CRNKL1: variants seen among roughly 807,000 people sequenced by gnomAD.
CRNKL1 encodes the protein crooked neck pre-mRNA splicing factor 1.
Under a neutral mutation model 103.7 loss-of-function variants are expected in CRNKL1, and 35 were observed. The ratio of observed to expected loss-of-function variants is 0.34; its 90% CI spans 0.26 to 0.45. The LOEUF (loss-of-function observed/expected upper bound fraction) is 0.45. CRNKL1 is among the 20% of genes least tolerant of loss of function. The pLI is 1.00. For synonymous variants in CRNKL1, 267 were observed against 282.6 expected (o/e 0.94, Z 0.55); for missense variants, 645 against 836.0 (o/e 0.77, Z 2.82).
At chr20:20,043,311 C>A (rs1220200198) in intron 7 of CRNKL1, among the ~76,000 whole-genome samples, 181 bp downstream of exon 7, 1 of 152,190 alleles carries the variant, frequency 6.6e-6, no homozygotes, top group East Asian at 1.9e-4. Context: ...TGTTTGCTTG[C>A]CTTTTCTATC....
At chr20:20,049,236 G>A (rs772505785) in intron 3 of CRNKL1, 104 bp downstream of exon 3, 6 of 687,568 alleles carry the variant, frequency 8.7e-6, no homozygotes, top group Middle Eastern at 4.1e-4. Flanking sequence ...ATTTCTACCC[G>A]AGGCACAATC....
intron 5 of CRNKL1, among the ~76,000 whole-genome samples, chr20:20,047,252 C>T (rs1342126356): frequency 2.6e-5 from 4 of 152,112 alleles, no homozygotes; most frequent in Non-Finnish European, 5.9e-5. Flanking sequence ...ATAAAGTATT[C>T]GTGAGAAAAA....
At chr20:20,056,004 G>A, upstream of CRNKL1, 1 of 1,608,424 alleles carries the variant, frequency 6.2e-7, no homozygotes, top group Non-Finnish European at 8.5e-7. Context: ...GTTCTCCACT[G>A]TTGCCGTCAT....
In CRNKL1 at chr20:20,048,030, A is replaced by G. The variant is rs2043622377; in HGVS notation, c.456-99T>C. ...TTTTACCTTTCTTAAAGGTTAAATC[A>G]AACATGTTTTGTCATTTGTATGTAA... On this transcript the variant is annotated intron_variant, in intron 4 of 13. Transcript: ENST00000536226. The G allele has an allele frequency of 7.4e-6, 10 of 1,347,816 alleles. 1 individual carries two copies. The highest frequency in any genetic ancestry group is 1.5e-5 in the African/African-American group (1 of 68,286). 83.5% of individuals were successfully genotyped at this position (1,347,816 alleles called of 1,614,324 possible).
chr20:20,045,243 C>T, intron 6 of CRNKL1, 65 bp downstream of exon 6: 2 of 1,348,108 alleles, frequency 1.5e-6, no homozygotes, highest in Non-Finnish European at 2.0e-6. Flanking sequence ...GAAATGAACT[C>T]ACCATGCACA....
chr20:20,055,577 G>T (rs532055672), upstream of CRNKL1, among the ~76,000 whole-genome samples: 1 of 151,984 alleles, frequency 6.6e-6, no homozygotes, highest in African/African-American at 2.4e-5. Context: ...TCCCTCGCTC[G>T]CTTTCTTTCT....
chr20:20,040,798 TA>T, intron 9 of CRNKL1, 32 bp from the exon 10 acceptor site: 1 of 1,407,996 alleles, frequency 7.1e-7, no homozygotes, highest in Non-Finnish European at 9.9e-7. Flanking sequence ...ATATCTAGCT[TA>T]AAAGCCTCAT....
At chr20:20,046,490 T>C (rs1368450507) in intron 5 of CRNKL1, among the ~76,000 whole-genome samples, 1 of 152,256 alleles carries the variant, frequency 6.6e-6, no homozygotes, top group Non-Finnish European at 1.5e-5. Context: ...TTCTGGTAGT[T>C]ATGTTCTATT....
upstream of CRNKL1, among the ~76,000 whole-genome samples, chr20:20,054,412 T>TACAC (rs759860912): frequency 6.6e-6 from 1 of 151,356 alleles, no homozygotes; most frequent in Non-Finnish European, 1.5e-5. Flanking sequence ...TATATATATA[T>TACAC]ATACACACAC....
upstream of CRNKL1, among the ~76,000 whole-genome samples, chr20:20,055,198 T>C (rs1453508137): frequency 6.6e-6 from 1 of 152,238 alleles, no homozygotes; most frequent in Admixed American, 6.5e-5. Context: ...TTTCTCTTTC[T>C]ATATTTCTTT....
At chr20:20,055,456 C>T (rs725465), upstream of CRNKL1, among the ~76,000 whole-genome samples, 21,503 of 152,010 alleles carry the variant, frequency 0.14, 1,653 homozygotes, top group East Asian at 0.22. Context: ...CATCCAAAGT[C>T]CCAGGTAGAT....
Position 20,045,203 on chromosome 20 carries a change from T to C in CRNKL1, c.801+105A>G, listed in dbSNP as rs565885101. On this transcript the variant is annotated intron_variant, in intron 6 of 13. Transcript: ENST00000536226. ...TGTGTTTTTGTATTTTGAAAACATC[T>C]TTCCAGGGATATGTCAGTAAGAAAA... 7 of 954,374 alleles carry C rather than the reference T, an allele frequency of 7.3e-6. No individual in the cohort carries two copies. In the South Asian group the frequency reaches 1.2e-4, roughly 16 times the overall value. The allele number at this position is 954,374 out of a possible 1,614,324, so 59.1% of individuals were successfully genotyped here. A position where few individuals can be genotyped will look rare whatever the true frequency, so the allele number is the denominator to read the frequency against.
In CRNKL1 at chr20:20,045,493, G is replaced by A. The variant is rs1432943269; in HGVS notation, c.623-7C>T. On this transcript the variant is annotated splice_polypyrimidine_tract_variant and splice_region_variant and intron_variant, in intron 5 of 13. Transcript: ENST00000536226. The stretch of plus-strand genomic sequence containing the variant: ...TCAGGGTGCACGAGGACAAGTGCAA[G>A]GGAATTAAGGAAATCCCAGGCAAAA... 1 of 1,583,630 alleles carries A rather than the reference G, an allele frequency of 6.3e-7. No individual in the cohort carries two copies. The highest frequency in any genetic ancestry group is 1.7e-5 in the Admixed American group (1 of 57,334).
chr20:20,051,814 G>A (rs758637063), intron 1 of CRNKL1, among the ~76,000 whole-genome samples: 1 of 152,036 alleles, frequency 6.6e-6, no homozygotes, highest in Non-Finnish European at 1.5e-5. Flanking sequence ...CTGTCAGCTG[G>A]GCTAACTCCT....
chr20:20,042,182 T>A (rs1354125296), intron 8 of CRNKL1, 143 bp downstream of exon 8: 5 of 686,862 alleles, frequency 7.3e-6, no homozygotes, highest in Non-Finnish European at 9.1e-6. Context: ...AGCGAATATA[T>A]AACTGTATGG....
upstream of CRNKL1, chr20:20,056,023 C>G (rs1291754421): frequency 1.2e-6 from 2 of 1,600,790 alleles, no homozygotes; most frequent in African/African-American, 1.3e-5. Flanking sequence ...ATTAGAGATT[C>G]TCTTCCCAAA....
chr20:20,037,839 A>G (rs1414373909), intron 12 of CRNKL1, among the ~76,000 whole-genome samples: 2 of 152,212 alleles, frequency 1.3e-5, no homozygotes, highest in African/African-American at 2.4e-5. Context: ...CTGTAATCCC[A>G]GCACTTCGGG....
intron 11 of CRNKL1, 160 bp from the exon 12 acceptor site, chr20:20,038,610 C>G: frequency 2.0e-6 from 1 of 490,542 alleles, no homozygotes; most frequent in Non-Finnish European, 3.6e-6. Flanking sequence ...ACATTGGTAT[C>G]TATAAGCTGG....
intron 10 of CRNKL1, 69 bp from the exon 11 acceptor site, chr20:20,039,917 C>T: frequency 2.7e-6 from 4 of 1,491,088 alleles, no homozygotes; most frequent in Non-Finnish European, 3.7e-6. Context: ...ATTGCACTGC[C>T]CTAGAGGCTG....
Sources: gnomAD v4.1 joint callset for allele counts (sites outside exome capture counted in the v4.1 genomes callset) on GRCh38, gnomAD v4.1.1 for gene constraint, MANE v1.5 for transcripts, NCBI Gene and HGNC (gene_info 2026-07-23, HGNC 2026-07-21) for gene names.